Variants in PDZRN4 observed in about 807,000 individuals in gnomAD.
PDZRN4 encodes PDZ domain containing ring finger 4.
PDZRN4 carries 70 observed loss-of-function variants against 99.0 expected under a neutral mutation model. The ratio of observed to expected loss-of-function variants is 0.71; its 90% CI spans 0.58 to 0.86. PDZRN4 has a LOEUF of 0.86. PDZRN4 is among the 40% of genes least tolerant of loss of function. PDZRN4 has a pLI of 0.00. For missense variants in PDZRN4, 1,474 were observed against 1,331.2 expected (o/e 1.11, Z -1.67); for synonymous variants, 551 against 501.6 (o/e 1.10, Z -1.32).
chr12:41,277,213 T>C (rs1007873251), intron 3 of PDZRN4, among the ~76,000 whole-genome samples: 2 of 152,134 alleles, frequency 1.3e-5, no homozygotes, highest in Non-Finnish European at 2.9e-5. Flanking sequence ...ATTCCATACA[T>C]GAACCAGCAG....
At chr12:41,524,628 C>T (rs993980555) in intron 5 of PDZRN4, among the ~76,000 whole-genome samples, 8 of 151,788 alleles carry the variant, frequency 5.3e-5, no homozygotes, top group East Asian at 3.9e-4. Flanking sequence ...ATTACAGGCC[C>T]GATAATTCAG....
chr12:41,434,622 G>T (rs571703560), intron 3 of PDZRN4, among the ~76,000 whole-genome samples: 1 of 152,032 alleles, frequency 6.6e-6, no homozygotes, highest in South Asian at 2.1e-4. Flanking sequence ...CCTCTTATAC[G>T]TCAGTCTAGA....
intron 5 of PDZRN4, among the ~76,000 whole-genome samples, chr12:41,518,555 A>G (rs1026482171): frequency 2.7e-5 from 4 of 150,696 alleles, no homozygotes; most frequent in Admixed American, 6.7e-5. Context: ...GTATCAATGC[A>G]CAAGAATAGT....
intron 3 of PDZRN4, among the ~76,000 whole-genome samples, chr12:41,300,445 A>G (rs1951527502): frequency 6.6e-6 from 1 of 152,010 alleles, no homozygotes; most frequent in South Asian, 2.1e-4. Flanking sequence ...TTTGAGATAT[A>G]TATGTATAAC....
intron 3 of PDZRN4, among the ~76,000 whole-genome samples, chr12:41,280,633 A>C (rs1257698179): frequency 6.6e-6 from 1 of 152,200 alleles, no homozygotes; most frequent in East Asian, 1.9e-4. Context: ...GCAGCTCAGC[A>C]AAGCCACTGT....
intron 3 of PDZRN4, among the ~76,000 whole-genome samples, chr12:41,393,005 C>T (rs1048572263): frequency 6.6e-6 from 1 of 152,160 alleles, no homozygotes; most frequent in Admixed American, 6.5e-5. Context: ...GTGCCCCAGG[C>T]ATTATGGGTT....
At chr12:41,400,582 C>A (rs1467654032) in intron 3 of PDZRN4, among the ~76,000 whole-genome samples, 1 of 151,924 alleles carries the variant, frequency 6.6e-6, no homozygotes, top group Admixed American at 6.6e-5. Flanking sequence ...TATCACAAAG[C>A]CCTAAAATGT....
chr12:41,519,733 C>A (rs1019272410), intron 5 of PDZRN4, among the ~76,000 whole-genome samples: 33 of 152,020 alleles, frequency 2.2e-4, no homozygotes, highest in African/African-American at 8.0e-4. Flanking sequence ...TTTTGTGCTT[C>A]ATTTTCTTTT....
In PDZRN4 at chr12:41,188,407, G is replaced by C. The variant is rs781614122; in HGVS notation, c.-49G>C. 1.4e-5 allele frequency: 21 copies of C among 1,460,506 alleles called. No homozygotes were observed. In the African/African-American group the frequency reaches 2.9e-4, roughly 20 times the overall value. The allele number at this position is 1,460,506 out of a possible 1,614,324, so 90.5% of individuals were successfully genotyped here. On this transcript the variant is annotated 5_prime_UTR_variant, in exon 1 of 10. Coordinates refer to ENST00000402685, the MANE Select transcript of PDZRN4 (RefSeq NM_001164595.2). ...TGGCCCGGGGAAGGCAGGGGGGCTCGGAGAAGACGGACTCTGCTTTCGCTC... is the reference window on the plus strand; with the variant it reads ...TGGCCCGGGGAAGGCAGGGGGGCTCCGAGAAGACGGACTCTGCTTTCGCTC...
intron 3 of PDZRN4, among the ~76,000 whole-genome samples, chr12:41,230,567 G>C (rs985798528): frequency 1.3e-5 from 2 of 152,052 alleles, no homozygotes; most frequent in African/African-American, 4.8e-5. Context: ...TTACTGATAA[G>C]TTATACATGC....
At position 41,188,618 on chromosome 12, in the gene PDZRN4, C is replaced by A; in HGVS notation, c.163C>A (p.Gln55Lys). The change falls in exon 1 of 10, where the codon CAG (glutamine) becomes AAG (lysine). Residue 55 changes from glutamine (Q) to lysine (K), a missense_variant. Gln to Lys is a moderately conservative substitution (Grantham distance 53, BLOSUM62 1). Coordinates refer to ENST00000402685, the MANE Select transcript of PDZRN4 (RefSeq NM_001164595.2). The stretch of plus-strand genomic sequence containing the variant: ...GGTGCGGAGGCGCCGGTGCCCGCTG[C>A]AGTGCCAGCCCTTGGCGCCCGGCGA... ...WAVRRRRCPL[Q>K]CQPLAPGELY... The A allele has an allele frequency of 6.5e-7, 1 of 1,539,574 alleles. No homozygotes were observed. The highest frequency in any genetic ancestry group is 8.7e-7 in the Non-Finnish European group (1 of 1,149,498).
intron 3 of PDZRN4, among the ~76,000 whole-genome samples, chr12:41,348,028 C>T (rs1830290762): frequency 6.6e-6 from 1 of 152,028 alleles, no homozygotes. Context: ...AAAAGGACCA[C>T]ATGAAATGTA....
chr12:41,406,325 AAC>A (rs147691214), intron 3 of PDZRN4, among the ~76,000 whole-genome samples: 25,510 of 152,050 alleles, frequency 0.17, 2,601 homozygotes, highest in Non-Finnish European at 0.23. Context: ...TGAAAAATAA[AAC>A]AGTTTGGTTG....
At chr12:41,229,363 C>A (rs888918167) in intron 3 of PDZRN4, among the ~76,000 whole-genome samples, 1 of 151,786 alleles carries the variant, frequency 6.6e-6, no homozygotes, top group Non-Finnish European at 1.5e-5. Flanking sequence ...GTCTTATAAC[C>A]AAAAATGGCA....
chr12:41,406,303 G>A (rs765067946), intron 3 of PDZRN4, among the ~76,000 whole-genome samples: 1 of 148,982 alleles, frequency 6.7e-6, no homozygotes, highest in Non-Finnish European at 1.5e-5. Flanking sequence ...ATGAGGAAAT[G>A]ACACATTTAG....
chr12:41,491,353 T>G (rs574483765), intron 3 of PDZRN4, among the ~76,000 whole-genome samples: 1 of 152,138 alleles, frequency 6.6e-6, no homozygotes, highest in African/African-American at 2.4e-5. Flanking sequence ...AAACTCTGTC[T>G]CTAATAAAAA....
chr12:41,486,479 G>C (rs1937776195), intron 3 of PDZRN4, among the ~76,000 whole-genome samples: 1 of 152,144 alleles, frequency 6.6e-6, no homozygotes, highest in South Asian at 2.1e-4. Flanking sequence ...AATCAAACAA[G>C]ATTCTATATA....
chr12:41,220,063 A>G (rs1276319546), intron 3 of PDZRN4, among the ~76,000 whole-genome samples: 1 of 152,120 alleles, frequency 6.6e-6, no homozygotes, highest in East Asian at 1.9e-4. Flanking sequence ...CTAAGCTCCA[A>G]GAGGGTATGA....
At chr12:41,255,721 T>C (rs1951201123) in intron 3 of PDZRN4, among the ~76,000 whole-genome samples, 1 of 152,174 alleles carries the variant, frequency 6.6e-6, no homozygotes, top group Non-Finnish European at 1.5e-5. Context: ...ACAGGAAGCA[T>C]GGCACCAGTA....
Sources: allele counts gnomAD v4.1 joint callset (sites outside exome capture counted in the v4.1 genomes callset), GRCh38; gene constraint gnomAD v4.1.1; transcripts MANE v1.5; gene names NCBI Gene and HGNC (gene_info 2026-07-23, HGNC 2026-07-21).